DCAF8: variants seen among roughly 807,000 people sequenced by gnomAD.
DCAF8 encodes DDB1- and CUL4-associated factor 8.
A neutral mutation model predicts 68.0 loss-of-function variants in DCAF8; 20 were observed. That is an observed-to-expected ratio of 0.29 (90% CI 0.21 to 0.43). The LOEUF (loss-of-function observed/expected upper bound fraction) is 0.43. DCAF8 is among the 20% of genes least tolerant of loss of function. The pLI is 1.00. For missense variants in DCAF8, 460 were observed against 771.0 expected (o/e 0.60, Z 4.78); for synonymous variants, 230 against 276.9 (o/e 0.83, Z 1.68).
chr1:160,232,497 C>T (rs898671094), intron 6 of DCAF8, among the ~76,000 whole-genome samples: 13 of 152,032 alleles, frequency 8.6e-5, no homozygotes, highest in East Asian at 5.8e-4. Flanking sequence ...AAAAATTAGC[C>T]GGGCGTGCTG....
At chr1:160,242,758 A>G (rs1157528637) in intron 3 of DCAF8, among the ~76,000 whole-genome samples, 1 of 152,222 alleles carries the variant, frequency 6.6e-6, no homozygotes, top group Non-Finnish European at 1.5e-5. Context: ...GACACTACAT[A>G]AACGAACAGG....
At chr1:160,259,510 T>C (rs78317934) in intron 2 of DCAF8, among the ~76,000 whole-genome samples, 2,411 of 150,282 alleles carry the variant, frequency 0.016, 63 homozygotes, top group African/African-American at 0.05. Context: ...CCCAGCCTGG[T>C]GACAGAGCAA....
intron 2 of DCAF8, among the ~76,000 whole-genome samples, chr1:160,253,955 T>C (rs1231963345): frequency 2.6e-5 from 4 of 152,146 alleles, no homozygotes; most frequent in African/African-American, 9.7e-5. Flanking sequence ...ATCTCAGAGA[T>C]TGAATGGAAT....
intron 2 of DCAF8, among the ~76,000 whole-genome samples, chr1:160,244,888 C>T (rs890931203): frequency 3.3e-5 from 5 of 152,140 alleles, no homozygotes; most frequent in African/African-American, 1.2e-4. Context: ...GGATTACAGG[C>T]ATGAGCCACC....
rs371334994 is a variant in DCAF8 at position 160,225,020 on chromosome 1, G to A, written c.1201+42C>T. The stretch of plus-strand genomic sequence containing the variant: ...CACTGGCTCAGCAGCTCCCTAGACA[G>A]AGGGGGCATGCCAGCCTAGGAGCTG... On this transcript the variant is annotated intron_variant, in intron 9 of 13. Coordinates refer to ENST00000368074, the MANE Select transcript of DCAF8 (RefSeq NM_015726.4). 12 of 1,600,204 alleles carry A rather than the reference G, an allele frequency of 7.5e-6. No individual in the cohort carries two copies. The African/African-American group carries it at 1.1e-4, about 14-fold the overall frequency.
In DCAF8 at chr1:160,217,838, A is replaced by AC. The variant is rs1655175167; in HGVS notation, c.1678-131_1678-130insG. 2.2e-5 allele frequency: 15 copies of AC among 678,982 alleles called. No individual in the cohort carries two copies. The South Asian group carries it at 2.8e-4, about 13-fold the overall frequency. The allele number at this position is 678,982 out of a possible 1,614,324, so 42.1% of individuals were successfully genotyped here. A position where few individuals can be genotyped will look rare whatever the true frequency, so the allele number is the denominator to read the frequency against. ...TTTTTCTTAAAGGGCCAGAGAGTAA[A>AC]TACTTTAGACTTGTGGTCTATATGG... On this transcript the variant is annotated intron_variant, in intron 13 of 13. Coordinates refer to ENST00000368074, the MANE Select transcript of DCAF8 (RefSeq NM_015726.4).
At chr1:160,233,076 C>G (rs1180321564) in intron 6 of DCAF8, among the ~76,000 whole-genome samples, 5 of 152,134 alleles carry the variant, frequency 3.3e-5, no homozygotes, top group African/African-American at 1.2e-4. Context: ...GTTTTTAAGT[C>G]TAAGGTTTTA....
At chr1:160,226,279 T>C (rs771106419) in intron 7 of DCAF8, among the ~76,000 whole-genome samples, 14 of 152,092 alleles carry the variant, frequency 9.2e-5, no homozygotes, top group African/African-American at 3.4e-4. Flanking sequence ...GGGTCTGTAA[T>C]CCCTCCTTAA....
At chr1:160,250,243 C>G (rs777167629) in intron 2 of DCAF8, among the ~76,000 whole-genome samples, 1 of 152,166 alleles carries the variant, frequency 6.6e-6, no homozygotes, top group African/African-American at 2.4e-5. Flanking sequence ...GCGGGCAGAT[C>G]ACCTGAGGTC....
intron 2 of DCAF8, among the ~76,000 whole-genome samples, chr1:160,260,096 A>C (rs1571120017): frequency 6.6e-6 from 1 of 152,034 alleles, no homozygotes; most frequent in East Asian, 1.9e-4. Context: ...AAAAAAAAAA[A>C]ACCAAAAAAC....
chr1:160,220,609 G>A (rs948710532), intron 11 of DCAF8: 1 of 152,202 alleles, frequency 6.6e-6, no homozygotes, highest in Non-Finnish European at 1.5e-5. Context: ...TGGGCTGGGG[G>A]AATGTAGAGA....
chr1:160,252,781 A>G (rs1015796188), intron 2 of DCAF8, among the ~76,000 whole-genome samples: 2 of 152,250 alleles, frequency 1.3e-5, no homozygotes, highest in Non-Finnish European at 2.9e-5. Context: ...GTTTAGCTCA[A>G]TAAGCAGTTA....
chr1:160,235,845 T>A (rs956149412), intron 6 of DCAF8, among the ~76,000 whole-genome samples: 1 of 152,046 alleles, frequency 6.6e-6, no homozygotes, highest in Non-Finnish European at 1.5e-5. Flanking sequence ...TTCAAGCGAT[T>A]CTCCTGCCTC....
intron 10 of DCAF8, among the ~76,000 whole-genome samples, chr1:160,223,006 G>A (rs550449296): frequency 6.6e-6 from 1 of 152,340 alleles, no homozygotes; most frequent in South Asian, 2.1e-4. Flanking sequence ...AGCAGCCTTA[G>A]TCTCTCAAGT....
intron 2 of DCAF8, among the ~76,000 whole-genome samples, chr1:160,248,452 G>A (rs1407419968): frequency 2.0e-5 from 3 of 152,040 alleles, no homozygotes; most frequent in Non-Finnish European, 4.4e-5. Flanking sequence ...GCAACAGGCT[G>A]GGGCTGGGCG....
At chr1:160,245,363 C>A (rs545809052) in intron 2 of DCAF8, among the ~76,000 whole-genome samples, 1 of 152,198 alleles carries the variant, frequency 6.6e-6, no homozygotes, top group Non-Finnish European at 1.5e-5. Flanking sequence ...AATTATGACC[C>A]CAGTCCTTGT....
At chr1:160,244,393 C>T (rs1656237157) in intron 2 of DCAF8, among the ~76,000 whole-genome samples, 1 of 152,194 alleles carries the variant, frequency 6.6e-6, no homozygotes, top group African/African-American at 2.4e-5. Flanking sequence ...CAACTCAATA[C>T]ATAAAGCTAA....
At chr1:160,260,540 C>T (rs1657043602) in intron 2 of DCAF8, among the ~76,000 whole-genome samples, 1 of 152,124 alleles carries the variant, frequency 6.6e-6, no homozygotes, top group Non-Finnish European at 1.5e-5. Context: ...TTTTCTGTCA[C>T]ATGCCATGAG....
At chr1:160,232,387 A>G (rs1368747411) in intron 6 of DCAF8, among the ~76,000 whole-genome samples, 1 of 152,194 alleles carries the variant, frequency 6.6e-6, no homozygotes, top group Non-Finnish European at 1.5e-5. Context: ...TCACGCCTGT[A>G]ATCCCAGCAC....
Sources: allele counts gnomAD v4.1 joint callset (sites outside exome capture counted in the v4.1 genomes callset), GRCh38; gene constraint gnomAD v4.1.1; transcripts MANE v1.5; gene names NCBI Gene and HGNC (gene_info 2026-07-23, HGNC 2026-07-21).